STXBP5L: variants seen among roughly 807,000 people sequenced by gnomAD.
The protein encoded by STXBP5L is syntaxin-binding protein 5-like.
In STXBP5L, 65 loss-of-function variants were observed where a neutral mutation model predicts 144.5. The observed-to-expected ratio is 0.45, with a 90% CI of 0.37 to 0.55. The LOEUF is 0.55. STXBP5L is among the 20% of genes least tolerant of loss of function. The pLI is 0.00. For synonymous variants in STXBP5L, 505 were observed against 469.6 expected (o/e 1.08, Z -0.97); for missense variants, 1,298 against 1,405.5 (o/e 0.92, Z 1.22).
At chr3:121,219,417 G>A (rs2048906921) in intron 10 of STXBP5L, among the ~76,000 whole-genome samples, 1 of 152,098 alleles carries the variant, frequency 6.6e-6, no homozygotes, top group South Asian at 2.1e-4. Context: ...GGACTGCATA[G>A]GTAGCACATG....
chr3:120,960,151 GA>G (rs1268812739), intron 3 of STXBP5L, among the ~76,000 whole-genome samples: 2 of 152,076 alleles, frequency 1.3e-5, no homozygotes, highest in Non-Finnish European at 2.9e-5. Flanking sequence ...AAAGATACAT[GA>G]AAAAAATGCT....
intron 2 of STXBP5L, among the ~76,000 whole-genome samples, chr3:120,948,868 C>T (rs1388155807): frequency 6.6e-6 from 1 of 151,824 alleles, no homozygotes; most frequent in East Asian, 1.9e-4. Context: ...TATAAGCATG[C>T]CTGTGCATGT....
At chr3:121,002,808 T>C (rs910434901) in intron 3 of STXBP5L, among the ~76,000 whole-genome samples, 1 of 151,908 alleles carries the variant, frequency 6.6e-6, no homozygotes, top group African/African-American at 2.4e-5. Flanking sequence ...ATGCGGTGTT[T>C]GGTTTTTTGT....
intron 3 of STXBP5L, among the ~76,000 whole-genome samples, chr3:120,960,068 AC>A (rs1334905937): frequency 6.6e-6 from 1 of 152,214 alleles, no homozygotes; most frequent in Non-Finnish European, 1.5e-5. Flanking sequence ...CCAGAAAAAA[AC>A]AAACAACCCC....
Position 121,115,137 on chromosome 3 carries a change from T to G in STXBP5L, c.605+78T>G, listed in dbSNP as rs2044176405. On this transcript the variant is annotated intron_variant, in intron 6 of 26. Coordinates refer to ENST00000471454, the MANE Select transcript of STXBP5L (RefSeq NM_001308330.2). The stretch of plus-strand genomic sequence containing the variant: ...TGTAACATGTAGGTCAAATTACAGT[T>G]ATTTGATACGTCTATTACTAATTTA... 4 of 1,348,210 alleles carry G rather than the reference T, an allele frequency of 3.0e-6. No individual in the cohort carries two copies. In the South Asian group the frequency reaches 5.7e-5, roughly 19 times the overall value. The allele number at this position is 1,348,210 out of a possible 1,614,324, so 83.5% of individuals were successfully genotyped here. A position where few individuals can be genotyped will look rare whatever the true frequency, so the allele number is the denominator to read the frequency against.
chr3:121,355,660 A>G (rs1057222745), intron 20 of STXBP5L, among the ~76,000 whole-genome samples: 5 of 152,028 alleles, frequency 3.3e-5, no homozygotes, highest in South Asian at 4.1e-4. Context: ...GAAGTTTGTT[A>G]TTATTGACCT....
intron 22 of STXBP5L, among the ~76,000 whole-genome samples, chr3:121,398,934 C>T (rs1005963681): frequency 1.2e-4 from 19 of 152,080 alleles, no homozygotes; most frequent in African/African-American, 3.1e-4. Context: ...TAAGAGTGGT[C>T]GCTCGAGGCA....
intron 19 of STXBP5L, among the ~76,000 whole-genome samples, chr3:121,314,584 GGAGGGAGAGGGA>G (rs201065950): frequency 0.15 from 19,206 of 129,338 alleles, 1,558 homozygotes; most frequent in East Asian, 0.19. Flanking sequence ...GGGAGACCGT[GGAGGGAGAGGGA>G]GAGGGAGAGG....
At chr3:121,243,728 T>G (rs2049748616) in intron 14 of STXBP5L, among the ~76,000 whole-genome samples, 1 of 152,150 alleles carries the variant, frequency 6.6e-6, no homozygotes, top group South Asian at 2.1e-4. Context: ...CATCATTCTA[T>G]TTATAGCATT....
intron 8 of STXBP5L, among the ~76,000 whole-genome samples, chr3:121,153,927 T>C (rs1157621069): frequency 2.6e-5 from 4 of 151,824 alleles, no homozygotes; most frequent in African/African-American, 9.7e-5. Flanking sequence ...TAGTGCTCCT[T>C]CTCTTCCCTC....
chr3:121,251,469 A>G (rs1307718116), intron 15 of STXBP5L, among the ~76,000 whole-genome samples: 1 of 152,184 alleles, frequency 6.6e-6, no homozygotes, highest in Non-Finnish European at 1.5e-5. Flanking sequence ...GATGGAGTTA[A>G]CATTTAGTGT....
intron 2 of STXBP5L, among the ~76,000 whole-genome samples, chr3:120,913,565 A>AT (rs1377258918): frequency 2.0e-5 from 3 of 152,092 alleles, no homozygotes; most frequent in South Asian, 2.1e-4. Flanking sequence ...ACATCTAAAT[A>AT]TACAATTTAC....
chr3:121,210,331 C>T (rs1472516276), intron 10 of STXBP5L, among the ~76,000 whole-genome samples: 2 of 151,852 alleles, frequency 1.3e-5, no homozygotes, highest in Admixed American at 6.6e-5. Flanking sequence ...TGGATATTAG[C>T]CCTTTGTCAG....
chr3:121,080,846 T>C (rs1177082259), intron 5 of STXBP5L, among the ~76,000 whole-genome samples: 2 of 152,226 alleles, frequency 1.3e-5, no homozygotes, highest in East Asian at 1.9e-4. Context: ...GCCTTGCTGA[T>C]AATTTTTTTG....
chr3:121,169,201 G>T (rs2046613181), intron 9 of STXBP5L, among the ~76,000 whole-genome samples: 1 of 152,124 alleles, frequency 6.6e-6, no homozygotes, highest in Non-Finnish European at 1.5e-5. Flanking sequence ...ACTAAACATG[G>T]AAAGGAACAA....
chr3:120,933,681 T>A (rs1406735825), intron 2 of STXBP5L, among the ~76,000 whole-genome samples: 1 of 152,128 alleles, frequency 6.6e-6, no homozygotes, highest in Non-Finnish European at 1.5e-5. Flanking sequence ...ATTTACTTGC[T>A]TTCATGTGAT....
chr3:121,267,760 A>C (rs181622663), intron 18 of STXBP5L, among the ~76,000 whole-genome samples: 9 of 152,322 alleles, frequency 5.9e-5, no homozygotes, highest in Admixed American at 5.2e-4. Context: ...AGGAACAGAC[A>C]CTTCTCAAAA....
chr3:121,210,694 T>C (rs2048527623), intron 10 of STXBP5L, among the ~76,000 whole-genome samples: 1 of 152,218 alleles, frequency 6.6e-6, no homozygotes, highest in East Asian at 1.9e-4. Context: ...GGGAATCCTT[T>C]CCCCATTTCT....
intron 7 of STXBP5L, among the ~76,000 whole-genome samples, chr3:121,143,529 A>G (rs887677709): frequency 6.6e-6 from 1 of 151,860 alleles, no homozygotes; most frequent in Admixed American, 6.6e-5. Flanking sequence ...TCAACACATA[A>G]TAATAACACT....
Sources: allele counts gnomAD v4.1 joint callset (sites outside exome capture counted in the v4.1 genomes callset), GRCh38; gene constraint gnomAD v4.1.1; transcripts MANE v1.5; gene names NCBI Gene and HGNC (gene_info 2026-07-23, HGNC 2026-07-21).